Variants in SORCS2 observed in about 807,000 individuals in gnomAD.
SORCS2 encodes the protein VPS10 domain-containing receptor SorCS2.
In SORCS2, 100 loss-of-function variants were observed where a neutral mutation model predicts 141.6. The ratio of observed to expected loss-of-function variants is 0.71; its 90% CI spans 0.60 to 0.83. The LOEUF (loss-of-function observed/expected upper bound fraction) is 0.83, where lower values mean the gene tolerates loss of function less well. Ranked by LOEUF, SORCS2 falls within the 40% of genes least tolerant of loss-of-function variation. The pLI, the probability that SORCS2 is intolerant of heterozygous loss-of-function variation, is 0.00. For synonymous variants in SORCS2, 789 were observed against 676.9 expected (o/e 1.17, Z -2.57); for missense variants, 1,646 against 1,560.2 (o/e 1.05, Z -0.93).
At chr4:7,546,145 A>G (rs1221648687) in intron 3 of SORCS2, among the ~76,000 whole-genome samples, 3 of 152,140 alleles carry the variant, frequency 2.0e-5, no homozygotes, top group Admixed American at 2.0e-4. Context: ...CTGGGGAGGA[A>G]TACAACATTC....
chr4:7,464,128 G>T (rs1241966123), intron 2 of SORCS2, among the ~76,000 whole-genome samples: 2 of 152,186 alleles, frequency 1.3e-5, no homozygotes, highest in Non-Finnish European at 2.9e-5. Flanking sequence ...CACCTGGTCA[G>T]CCTGGAACTT....
At chr4:7,503,090 G>A (rs1425332873) in intron 2 of SORCS2, among the ~76,000 whole-genome samples, 1 of 152,066 alleles carries the variant, frequency 6.6e-6, no homozygotes, top group Non-Finnish European at 1.5e-5. Context: ...ACAGGGGCTG[G>A]GGAATATATC....
intron 23 of SORCS2, among the ~76,000 whole-genome samples, chr4:7,732,967 C>G (rs1370966168): frequency 1.3e-5 from 2 of 151,412 alleles, no homozygotes; most frequent in Non-Finnish European, 1.5e-5. Context: ...CCATCCCCCT[C>G]TGGTGGATCC....
intron 11 of SORCS2, among the ~76,000 whole-genome samples, chr4:7,693,029 A>G (rs955265019): frequency 1.3e-5 from 2 of 152,200 alleles, no homozygotes; most frequent in African/African-American, 4.8e-5. Flanking sequence ...AGAATCAGCC[A>G]TGTTGATCCC....
At chr4:7,623,700 AC>A (rs758462995) in intron 3 of SORCS2, among the ~76,000 whole-genome samples, 2 of 151,596 alleles carry the variant, frequency 1.3e-5, no homozygotes, top group Non-Finnish European at 2.9e-5. Context: ...CTATGGTCTT[AC>A]CCCACTCCCC....
intron 15 of SORCS2, 53 bp from the exon 16 acceptor site, chr4:7,714,187 T>C (rs1246912194): frequency 2.5e-6 from 4 of 1,575,724 alleles, no homozygotes; most frequent in African/African-American, 1.3e-5. Context: ...CAAGGCCTTG[T>C]AGAGCAGTTG....
chr4:7,384,729 A>C (rs1723189065), intron 1 of SORCS2, among the ~76,000 whole-genome samples: 2 of 152,074 alleles, frequency 1.3e-5, no homozygotes, highest in South Asian at 2.1e-4. Context: ...CTCCCTCTGG[A>C]CACACTGCAC....
chr4:7,497,908 C>T (rs556939189), intron 2 of SORCS2, among the ~76,000 whole-genome samples: 33 of 152,266 alleles, frequency 2.2e-4, no homozygotes, highest in Admixed American at 2.1e-3. Flanking sequence ...GTGGAAGGAA[C>T]GTTTTTAAGA....
intron 1 of SORCS2, among the ~76,000 whole-genome samples, chr4:7,292,559 T>G (rs1211374425): frequency 2.6e-5 from 4 of 152,152 alleles, no homozygotes; most frequent in African/African-American, 9.7e-5. Flanking sequence ...AAGATTGTAT[T>G]TCTTTGGGGT....
At chr4:7,452,550 C>T (rs1039006776) in intron 2 of SORCS2, among the ~76,000 whole-genome samples, 2 of 152,232 alleles carry the variant, frequency 1.3e-5, no homozygotes, top group Admixed American at 6.5e-5. Context: ...TTTCCGGGAG[C>T]CCTGCCCCAG....
At chr4:7,555,722 G>A (rs1037858729) in intron 3 of SORCS2, among the ~76,000 whole-genome samples, 1 of 152,366 alleles carries the variant, frequency 6.6e-6, no homozygotes, top group Admixed American at 6.5e-5. Flanking sequence ...TTTAAAAGTT[G>A]CTCTAGAAGG....
At chr4:7,394,881 G>A (rs988853940) in intron 1 of SORCS2, among the ~76,000 whole-genome samples, 6 of 152,124 alleles carry the variant, frequency 3.9e-5, no homozygotes, top group African/African-American at 1.2e-4. Flanking sequence ...GGATGGGGCC[G>A]GATCAAACAG....
At chr4:7,261,235 C>G (rs889224214) in intron 1 of SORCS2, among the ~76,000 whole-genome samples, 1 of 152,158 alleles carries the variant, frequency 6.6e-6, no homozygotes, top group Non-Finnish European at 1.5e-5. Flanking sequence ...TTTGATCCAG[C>G]TTGTGGAGGC....
chr4:7,443,460 G>A (rs889230203), intron 2 of SORCS2, among the ~76,000 whole-genome samples: 6 of 152,332 alleles, frequency 3.9e-5, no homozygotes, highest in African/African-American at 1.4e-4. Context: ...AGATCACACA[G>A]GCCTGAGACG....
chr4:7,214,912 CA>C (rs1035934391), intron 1 of SORCS2, among the ~76,000 whole-genome samples: 1 of 151,938 alleles, frequency 6.6e-6, no homozygotes, highest in African/African-American at 2.4e-5. Flanking sequence ...GGTGTGGTGC[CA>C]ACTTTGCTTT....
chr4:7,366,233 T>C (rs995832588), intron 1 of SORCS2, among the ~76,000 whole-genome samples: 1 of 151,856 alleles, frequency 6.6e-6, no homozygotes, highest in African/African-American at 2.4e-5. Flanking sequence ...CTTTCCTCCC[T>C]TCCGTCCTTC....
At chr4:7,697,402 T>C in intron 12 of SORCS2, 128 bp downstream of exon 12, 2 of 811,536 alleles carry the variant, frequency 2.5e-6, no homozygotes, top group Non-Finnish European at 3.8e-6. Context: ...ATGTCTCCCA[T>C]CTTGCAGCCA....
chr4:7,495,167 G>A (rs1353960853), intron 2 of SORCS2, among the ~76,000 whole-genome samples: 5 of 152,236 alleles, frequency 3.3e-5, no homozygotes, highest in Non-Finnish European at 2.9e-5. Flanking sequence ...CAGCCTCAGC[G>A]TCAAAGCCTC....
intron 8 of SORCS2, among the ~76,000 whole-genome samples, chr4:7,674,633 T>C (rs1353334765): frequency 1.4e-5 from 2 of 147,352 alleles, no homozygotes; most frequent in African/African-American, 2.5e-5. Flanking sequence ...TGCACAGCCC[T>C]TGGGGCTGCA....
Sources: allele counts gnomAD v4.1 joint callset (sites outside exome capture counted in the v4.1 genomes callset), GRCh38; gene constraint gnomAD v4.1.1; transcripts MANE v1.5; gene names NCBI Gene and HGNC (gene_info 2026-07-23, HGNC 2026-07-21).